TMEM231: variants seen among roughly 807,000 people sequenced by gnomAD.
TMEM231 encodes transmembrane protein 231.
Under a neutral mutation model 38.5 loss-of-function variants are expected in TMEM231, and 40 were observed. The observed-to-expected ratio is 1.04, with a 90% CI of 0.81 to 1.35. The LOEUF is 1.35. TMEM231 is among the 40% of genes most tolerant of loss of function. TMEM231 has a pLI of 0.00. For missense variants in TMEM231, 420 were observed against 416.9 expected (o/e 1.01, Z -0.07); for synonymous variants, 199 against 181.7 (o/e 1.10, Z -0.77).
chr16:75,549,807 C>G (rs534821251), intron 2 of TMEM231, among the ~76,000 whole-genome samples: 1 of 152,230 alleles, frequency 6.6e-6, no homozygotes, highest in South Asian at 2.1e-4. Flanking sequence ...CTCCCAGGTT[C>G]GAGTGATTCT....
rs1278373690 is a variant in TMEM231 at position 75,545,950 on chromosome 16, C to G, written c.314G>C (p.Arg105Thr). 24 of 1,530,762 alleles carry G rather than the reference C, an allele frequency of 1.6e-5. No individual in the cohort carries two copies. The highest frequency in any genetic ancestry group is 4.2e-5 in the African/African-American group (3 of 70,916). The allele number at this position is 1,530,762 out of a possible 1,614,324, so 94.8% of individuals were successfully genotyped here. A position where few individuals can be genotyped will look rare whatever the true frequency, so the allele number is the denominator to read the frequency against. ...DRLRVPLVSTREEDRNQDGKT... is the reference protein window; with the variant it reads ...DRLRVPLVSTTEEDRNQDGKT... ...CCCATCCTGGTTCCTGTCTTCTTCT[C>G]TAGTCTAGGAAACCCAAACAGGCCC... is the stretch of plus-strand genomic sequence containing the variant. The change falls in exon 3 of 7, where the codon AGA becomes ACA. Residue 105 changes from arginine to threonine, a missense_variant. Physicochemically the swap from Arg to Thr is moderately conservative, Grantham distance 71. Coordinates refer to ENST00000258173, the MANE Select transcript of TMEM231 (RefSeq NM_001077418.3).
In TMEM231 at chr16:75,555,986, G is replaced by A. The variant is rs1317839745; in HGVS notation, c.140-13C>T. On this transcript the variant is annotated splice_polypyrimidine_tract_variant and intron_variant, in intron 1 of 6. Coordinates refer to ENST00000258173, the MANE Select transcript of TMEM231 (RefSeq NM_001077418.3). ...TTCAGCCAAAACCCTGAGTTAAAGAGGGCGGTAGGGAGGCGGTTAGGGAGG... is the reference window on the plus strand; with the variant it reads ...TTCAGCCAAAACCCTGAGTTAAAGAAGGCGGTAGGGAGGCGGTTAGGGAGG... 6.3e-7 allele frequency: 1 copy of A among 1,597,040 alleles called. No homozygotes were observed. The highest frequency in any genetic ancestry group is 1.7e-5 in the Admixed American group (1 of 57,918).
chr16:75,548,941 A>G (rs2080724483), intron 2 of TMEM231, among the ~76,000 whole-genome samples: 1 of 152,192 alleles, frequency 6.6e-6, no homozygotes, highest in Non-Finnish European at 1.5e-5. Flanking sequence ...AACTTGTTGG[A>G]GTCCTGAAGG....
chr16:75,555,878 C>G lies in TMEM231; in HGVS notation c.235G>C (p.Gly79Arg), dbSNP rs766492182. The change falls in exon 2 of 7, where the codon GGG becomes CGG. Residue 79 changes from glycine (G) to arginine (R), a missense_variant. Physicochemically the swap from Gly to Arg is moderately radical, Grantham distance 125. Transcript: ENST00000258173. Reference protein sequence around the residue: ...LVALLGPESDGFLAWSTFPAF... With the variant: ...LVALLGPESDRFLAWSTFPAF... The stretch of plus-strand genomic sequence containing the variant: ...GGGAACGTGCTCCAGGCGAGGAACC[C>G]GTCGCTTTCGGGTCCGAGCAGGGCC... The G allele has an allele frequency of 2.4e-5, 38 of 1,592,728 alleles. No individual in the cohort carries two copies. In the Admixed American group the frequency reaches 6.3e-4, roughly 26 times the overall value.
At chr16:75,541,170 T>C (rs1473029752) in intron 6 of TMEM231, among the ~76,000 whole-genome samples, 180 bp downstream of exon 6, 1 of 145,564 alleles carries the variant, frequency 6.9e-6, no homozygotes, top group Non-Finnish European at 1.5e-5. Context: ...TACGCCACTA[T>C]GCCTGGCTAA....
At chr16:75,545,212 C>T (rs911457479) in intron 4 of TMEM231, 140 bp downstream of exon 4, 17 of 1,223,120 alleles carry the variant, frequency 1.4e-5, no homozygotes, top group Middle Eastern at 3.0e-4. Flanking sequence ...CGCACATCTC[C>T]GCCTCCCAAA....
At chr16:75,540,654 G>A (rs1162634137) in intron 6 of TMEM231, among the ~76,000 whole-genome samples, 3 of 152,202 alleles carry the variant, frequency 2.0e-5, no homozygotes, top group East Asian at 1.9e-4. Context: ...TCCATTAGTC[G>A]ACCTAAGTCA....
At chr16:75,549,858 G>A (rs889560096) in intron 2 of TMEM231, among the ~76,000 whole-genome samples, 18 of 152,084 alleles carry the variant, frequency 1.2e-4, no homozygotes, top group African/African-American at 1.7e-4. Flanking sequence ...ACAGGTGTGC[G>A]CCACTACGCC....
At chr16:75,547,752 C>A (rs1287157005) in intron 2 of TMEM231, among the ~76,000 whole-genome samples, 2 of 151,922 alleles carry the variant, frequency 1.3e-5, no homozygotes, top group East Asian at 3.9e-4. Flanking sequence ...GCACTCCAGC[C>A]TGGTGACAGA....
rs1412070252 is a variant in TMEM231, at chr16:75,540,165, T to C, written c.780A>G (p.Pro260=). The C allele has an allele frequency of 3.1e-6, 5 of 1,612,708 alleles. No individual in the cohort carries two copies. The highest frequency in any genetic ancestry group is 3.4e-6 in the Non-Finnish European group (4 of 1,179,348). The change falls in exon 7 of 7, where the codon CCA becomes CCG. Residue 260 remains proline, a synonymous_variant. Coordinates refer to ENST00000258173, the MANE Select transcript of TMEM231 (RefSeq NM_001077418.3). ...RYPVEVISYQ[P]GFWEMVKFAW... Reference sequence around the variant, plus strand: ...CGAACTTTACCATCTCCCAGAATCCTGGCTGATAAGTATGGACAGTTAAGG... The same window carrying C: ...CGAACTTTACCATCTCCCAGAATCCCGGCTGATAAGTATGGACAGTTAAGG...
chr16:75,544,759 C>T (rs753477685), intron 4 of TMEM231, among the ~76,000 whole-genome samples: 14 of 152,006 alleles, frequency 9.2e-5, no homozygotes, highest in Non-Finnish European at 1.6e-4. Context: ...TGTGTGTGCA[C>T]CCACGTGGAC....
At position 75,549,031 on chromosome 16, in the gene TMEM231, G is replaced by A. The variant is rs188661944; in HGVS notation, c.310-3077C>T. Reference sequence around the variant, plus strand: ...AGGTACATGTGCTCTGGGTACCCGTGGGATCAATGCATCTGGCAGAGTGGG... The same window carrying A: ...AGGTACATGTGCTCTGGGTACCCGTAGGATCAATGCATCTGGCAGAGTGGG... On this transcript the variant is annotated intron_variant, in intron 2 of 6. Transcript: ENST00000258173. Among the ~76,000 whole-genome samples the A allele has an allele frequency of 1.9e-3, 289 of 152,228 alleles. 1 individual carries two copies. Among genetic ancestry groups the A allele is most frequent in the African/African-American group, 6.4e-3 (265 of 41,528 alleles).
rs1198734199 is a variant in TMEM231 at position 75,543,254 on chromosome 16, CA to C, written c.583-572del. On this transcript the variant is annotated intron_variant, in intron 4 of 6. Coordinates refer to ENST00000258173, the MANE Select transcript of TMEM231 (RefSeq NM_001077418.3). ...GGAAACAGAGAAAGACTTCATCTCT[CA>C]AAAAAAAATAAAAATAAAAAAAAAT... Among the ~76,000 whole-genome samples, 28 of 147,792 alleles carry C rather than the reference CA, an allele frequency of 1.9e-4. No homozygotes were observed. In the East Asian group the frequency reaches 4.5e-3, roughly 24 times the overall value.
chr16:75,555,438 T>G, intron 2 of TMEM231: 2 of 245,988 alleles, frequency 8.1e-6, no homozygotes, highest in Non-Finnish European at 7.7e-6. Context: ...GTTATCTACA[T>G]TAACAGCGCG....
intron 2 of TMEM231, among the ~76,000 whole-genome samples, chr16:75,553,541 G>A (rs2080783081): frequency 6.8e-6 from 1 of 146,998 alleles, no homozygotes; most frequent in Non-Finnish European, 1.5e-5. Context: ...AGGATTGCTT[G>A]AACCCAGAAG....
At position 75,556,231 on chromosome 16, in the gene TMEM231, C is replaced by A; in HGVS notation, c.-22G>T. The A allele has an allele frequency of 1.4e-6, 2 of 1,383,600 alleles. No homozygotes were observed. The highest frequency in any genetic ancestry group is 9.3e-7 in the Non-Finnish European group (1 of 1,073,710). 85.7% of individuals were successfully genotyped at this position (1,383,600 alleles called of 1,614,324 possible). The stretch of plus-strand genomic sequence containing the variant: ...CCATGAGCACCGCTCGCAGGCACTC[C>A]GCGAGCCGGGGGACCAAGTTTGGCT... On this transcript the variant is annotated 5_prime_UTR_variant, in exon 1 of 7. Coordinates refer to ENST00000258173, the MANE Select transcript of TMEM231 (RefSeq NM_001077418.3).
chr16:75,546,195 C>T, intron 2 of TMEM231: 1 of 1,209,660 alleles, frequency 8.3e-7, no homozygotes, highest in Non-Finnish European at 1.1e-6. Flanking sequence ...AATAAATGGG[C>T]AATAACAAAA....
chr16:75,555,773 T>G (rs1463417376), intron 2 of TMEM231, 31 bp downstream of exon 2: 1 of 1,487,106 alleles, frequency 6.7e-7, no homozygotes, highest in Non-Finnish European at 9.0e-7. Context: ...TATCCCCGAC[T>G]CTGCCCCAGG....
intron 2 of TMEM231, among the ~76,000 whole-genome samples, chr16:75,547,701 C>G (rs575911793): frequency 6.6e-6 from 1 of 152,258 alleles, no homozygotes; most frequent in African/African-American, 2.4e-5. Flanking sequence ...ATCGCTTGAA[C>G]CAGGGAGTTG....
Sources: gnomAD v4.1 joint callset for allele counts (sites outside exome capture counted in the v4.1 genomes callset) on GRCh38, gnomAD v4.1.1 for gene constraint, MANE v1.5 for transcripts, NCBI Gene and HGNC (gene_info 2026-07-23, HGNC 2026-07-21) for gene names.